The following SORCS1 variants were observed in gnomAD, a reference collection of about 807,000 sequenced individuals.
The protein encoded by SORCS1 is VPS10 domain-containing receptor SorCS1.
Under a neutral mutation model 146.1 loss-of-function variants are expected in SORCS1, and 60 were observed. The observed-to-expected ratio is 0.41, with a 90% CI of 0.33 to 0.51. The LOEUF (loss-of-function observed/expected upper bound fraction) is 0.51, where lower values mean the gene tolerates loss of function less well. Ranked by LOEUF, SORCS1 falls within the 20% of genes least tolerant of loss-of-function variation. SORCS1 has a pLI of 0.21. For synonymous variants in SORCS1, 637 were observed against 584.0 expected, an observed-to-expected ratio of 1.09 and a Z score of -1.31; for missense variants, 1,352 against 1,487.6, an observed-to-expected ratio of 0.91 and a Z score of 1.50.
chr10:107,037,417 G>C (rs1767506774), intron 1 of SORCS1, among the ~76,000 whole-genome samples: 1 of 152,208 alleles, frequency 6.6e-6, no homozygotes, highest in African/African-American at 2.4e-5. Context: ...ACTCATTTCA[G>C]AACTGCATAC....
At position 106,914,078 on chromosome 10, in the gene SORCS1, T is replaced by C. The variant is rs545186009; in HGVS notation, c.626+42435A>G. On this transcript the variant is annotated intron_variant, in intron 2 of 25. Transcript: ENST00000263054. ...GACTTCAAAACACTATCATCAATCATGCTAATAAGCACTTAAAAAGTAAAT... is the reference window on the plus strand; with the variant it reads ...GACTTCAAAACACTATCATCAATCACGCTAATAAGCACTTAAAAAGTAAAT... Among the ~76,000 whole-genome samples the C allele has an allele frequency of 3.3e-5, 5 of 152,340 alleles. No individual in the cohort carries two copies. The South Asian group carries it at 1.0e-3, about 32-fold the overall frequency.
chr10:107,009,179 T>C (rs1957583262), intron 1 of SORCS1, among the ~76,000 whole-genome samples: 1 of 152,190 alleles, frequency 6.6e-6, no homozygotes, highest in Non-Finnish European at 1.5e-5. Flanking sequence ...ATGGCAAAAA[T>C]GCAGTGACAT....
intron 9 of SORCS1, 104 bp from the exon 10 acceptor site, chr10:106,688,442 C>T (rs1252035): frequency 0.96 from 1,270,788 of 1,329,260 alleles, 608,673 homozygotes; most frequent in Non-Finnish European, 0.98. Flanking sequence ...AGAGCACTTG[C>T]CTTGGAGGAA....
chr10:106,630,722 A>G (rs1848392437), intron 18 of SORCS1, among the ~76,000 whole-genome samples: 1 of 152,228 alleles, frequency 6.6e-6, no homozygotes, highest in East Asian at 1.9e-4. Flanking sequence ...AAAAATGACT[A>G]TAAATCAATG....
intron 2 of SORCS1, among the ~76,000 whole-genome samples, chr10:106,843,743 C>CT (rs1235823079): frequency 6.6e-6 from 1 of 152,062 alleles, no homozygotes; most frequent in African/African-American, 2.4e-5. Context: ...ACAAGATTTC[C>CT]TTTTTCTAAG....
intron 16 of SORCS1, among the ~76,000 whole-genome samples, chr10:106,668,236 C>T (rs1440979297): frequency 1.3e-5 from 2 of 152,188 alleles, no homozygotes; most frequent in African/African-American, 2.4e-5. Context: ...CTTTGGGATG[C>T]TCTTCCAAGA....
intron 1 of SORCS1, among the ~76,000 whole-genome samples, chr10:107,035,284 A>C (rs1564954212): frequency 6.7e-6 from 1 of 150,238 alleles, no homozygotes; most frequent in African/African-American, 2.5e-5. Context: ...AACAACAAAA[A>C]AAAAAACACA....
In SORCS1 at chr10:106,740,773, T is replaced by C. The variant is rs187300318; in HGVS notation, c.960-10659A>G. On this transcript the variant is annotated intron_variant, in intron 5 of 25. Coordinates refer to ENST00000263054, the MANE Select transcript of SORCS1 (RefSeq NM_052918.5). ...ACAACTTGGGTGAAAATACATGTTG[T>C]GTGCCTAGAAAATTCATACATGACA... Among the ~76,000 whole-genome samples the C allele has an allele frequency of 3.5e-3, 530 of 152,352 alleles. 9 individuals carry two copies. Among genetic ancestry groups the C allele is most frequent in the African/African-American group, 0.012 (511 of 41,588 alleles).
intron 1 of SORCS1, among the ~76,000 whole-genome samples, chr10:106,966,966 A>T (rs1181884575): frequency 6.6e-6 from 1 of 152,250 alleles, no homozygotes; most frequent in East Asian, 1.9e-4. Context: ...CTAGTCATAG[A>T]GTCAGGTCTT....
intron 1 of SORCS1, among the ~76,000 whole-genome samples, chr10:106,987,932 G>A (rs1956556003): frequency 6.6e-6 from 1 of 152,016 alleles, no homozygotes; most frequent in Non-Finnish European, 1.5e-5. Flanking sequence ...TTTATCCAAG[G>A]TGAATTCCCT....
chr10:106,702,965 A>T (rs1365830987), intron 8 of SORCS1, among the ~76,000 whole-genome samples: 1 of 152,208 alleles, frequency 6.6e-6, no homozygotes, highest in Non-Finnish European at 1.5e-5. Context: ...TTAATGGTGA[A>T]TTAAAGAGCT....
intron 2 of SORCS1, among the ~76,000 whole-genome samples, chr10:106,866,812 C>T (rs1383899435): frequency 1.3e-5 from 2 of 152,234 alleles, no homozygotes; most frequent in African/African-American, 2.4e-5. Context: ...CAGAAAACCT[C>T]GACCCTGTGA....
At chr10:106,908,898 T>C (rs1345439019) in intron 2 of SORCS1, among the ~76,000 whole-genome samples, 1 of 152,200 alleles carries the variant, frequency 6.6e-6, no homozygotes, top group East Asian at 1.9e-4. Context: ...CCAATTTCTG[T>C]TTCTTCAGCC....
chr10:106,812,644 G>A (rs1272372133), intron 3 of SORCS1, among the ~76,000 whole-genome samples: 1 of 152,080 alleles, frequency 6.6e-6, no homozygotes, highest in Non-Finnish European at 1.5e-5. Flanking sequence ...TGGGGGGAGA[G>A]TTATTCACTA....
At position 106,620,435 on chromosome 10, in the gene SORCS1, T is replaced by C. The variant is rs569207276; in HGVS notation, c.2789A>G (p.Asn930Ser). The C allele has an allele frequency of 1.2e-6, 2 of 1,612,908 alleles. No homozygotes were observed. The highest frequency in any genetic ancestry group is 2.2e-5 in the East Asian group (1 of 44,844). Residue 930 changes from asparagine (N) to serine (S), a missense_variant, in exon 20 of 26, where the codon AAC becomes AGC. This residue lies in a region of SORCS1 where 648 missense variants were observed against 793.8 expected (regional missense o/e 0.82). Transcript: ENST00000263054. The part of the protein sequence containing the change: ...TLTYVWWYGN[N>S]TEPLITLEGS... ...TGTGGAAGGTGAACCCACCTCCGTG[T>C]TGTTTCCGTACCACCACACGTAAGT... is the stretch of plus-strand genomic sequence containing the variant.
intron 1 of SORCS1, among the ~76,000 whole-genome samples, chr10:106,988,772 T>C (rs2139437066): frequency 6.6e-6 from 1 of 152,250 alleles, no homozygotes; most frequent in Middle Eastern, 3.4e-3. Flanking sequence ...TTTAACACAA[T>C]TGTAACACTG....
rs541183244 is a variant in SORCS1, at chr10:106,950,008, A to G, written c.626+6505T>C. On this transcript the variant is annotated intron_variant, in intron 2 of 25. Transcript: ENST00000263054. The stretch of plus-strand genomic sequence containing the variant: ...ACCATATTCTAGATTTTGACAATTT[A>G]TCTATCTCAACCTTTAAGCTTATCT... Among the ~76,000 whole-genome samples the G allele has an allele frequency of 4.9e-4, 74 of 152,354 alleles. 2 individuals are homozygous for G. The highest frequency in any genetic ancestry group is 7.8e-4 in the Admixed American group (12 of 15,302).
intron 3 of SORCS1, among the ~76,000 whole-genome samples, chr10:106,802,875 T>C (rs1029673188): frequency 4.6e-5 from 7 of 152,164 alleles, no homozygotes; most frequent in Admixed American, 4.6e-4. Context: ...CCTCAGATGA[T>C]CCTCCCGCCT....
At chr10:107,015,900 G>A (rs1957876541) in intron 1 of SORCS1, among the ~76,000 whole-genome samples, 1 of 152,066 alleles carries the variant, frequency 6.6e-6, no homozygotes, top group Non-Finnish European at 1.5e-5. Context: ...TTGGATGATG[G>A]GGACACTAAA....
Sources: allele counts gnomAD v4.1 joint callset (sites outside exome capture counted in the v4.1 genomes callset), GRCh38; gene constraint gnomAD v4.1.1; regional missense constraint gnomAD v4.1.1; transcripts MANE v1.5; gene names NCBI Gene and HGNC (gene_info 2026-07-23, HGNC 2026-07-21).